The following CNTNAP5 variants were observed in gnomAD, a reference collection of about 807,000 sequenced individuals.
CNTNAP5 encodes contactin associated protein family member 5, also known as contactin-associated protein-like 5.
A neutral mutation model predicts 150.2 loss-of-function variants in CNTNAP5; 72 were observed. The ratio of observed to expected loss-of-function variants is 0.48; its 90% CI spans 0.40 to 0.58. The LOEUF (loss-of-function observed/expected upper bound fraction) is 0.58, where lower values mean the gene tolerates loss of function less well. CNTNAP5 is among the 20% of genes least tolerant of loss of function. The probability of loss-of-function intolerance (pLI) is 0.00; values close to 1 mark genes in which losing one functional copy is unlikely to be tolerated. For missense variants in CNTNAP5, 1,636 were observed against 1,626.2 expected (o/e 1.01, Z -0.10); for synonymous variants, 672 against 619.8 (o/e 1.08, Z -1.25).
At chr2:124,808,403 C>T (rs1256425972) in intron 19 of CNTNAP5, among the ~76,000 whole-genome samples, 9 of 152,000 alleles carry the variant, frequency 5.9e-5, no homozygotes, top group African/African-American at 1.7e-4. Flanking sequence ...GCCTGGCCAA[C>T]ATGGTGAAAC....
intron 6 of CNTNAP5, among the ~76,000 whole-genome samples, chr2:124,450,660 G>A (rs1425168518): frequency 2.7e-5 from 4 of 150,504 alleles, no homozygotes; most frequent in African/African-American, 4.9e-5. Context: ...TTCTCCAAAC[G>A]CTGCGAGAAG....
chr2:124,152,951 A>G (rs1005716763), intron 1 of CNTNAP5, among the ~76,000 whole-genome samples: 2 of 152,198 alleles, frequency 1.3e-5, no homozygotes, highest in African/African-American at 2.4e-5. Context: ...GTGCGGCTCC[A>G]TACAGAATCC....
At chr2:124,359,304 T>G (rs1377328054) in intron 3 of CNTNAP5, among the ~76,000 whole-genome samples, 5 of 151,084 alleles carry the variant, frequency 3.3e-5, no homozygotes, top group Non-Finnish European at 5.9e-5. Flanking sequence ...CTCTATTTCC[T>G]TCAGTTCTGC....
chr2:124,848,183 C>T (rs1350423780), intron 19 of CNTNAP5, among the ~76,000 whole-genome samples: 1 of 152,114 alleles, frequency 6.6e-6, no homozygotes, highest in East Asian at 1.9e-4. Flanking sequence ...TCTCGTTTCC[C>T]CAAACCCCAG....
At position 124,474,791 on chromosome 2, in the gene CNTNAP5, A is replaced by G; in HGVS notation, c.971A>G (p.Lys324Arg). 6.2e-7 allele frequency: 1 copy of G among 1,602,988 alleles called. No homozygotes were observed. Among genetic ancestry groups the G allele is most frequent in the Non-Finnish European group, 8.5e-7 (1 of 1,176,074 alleles). ...GGAAAACCTGGGACCTTTTTAAAGA[A>G]AAACTTCCATGGATGCATCGAAAAC... ...VPGKPGTFLK[K>R]NFHGCIENLY... The change falls in exon 7 of 24, where the codon AAA becomes AGA. Residue 324 changes from lysine (K) to arginine (R), a missense_variant. Physicochemically the swap from Lys to Arg is conservative, Grantham distance 26. Transcript: ENST00000682447.
chr2:124,026,240 C>G (rs1680884737), intron 1 of CNTNAP5, among the ~76,000 whole-genome samples: 1 of 152,180 alleles, frequency 6.6e-6, no homozygotes, highest in African/African-American at 2.4e-5. Context: ...TATCTTGCAA[C>G]CAATGGGCAC....
At chr2:124,438,091 A>G (rs1179311260) in intron 5 of CNTNAP5, among the ~76,000 whole-genome samples, 5 of 152,198 alleles carry the variant, frequency 3.3e-5, no homozygotes, top group Admixed American at 6.5e-5. Flanking sequence ...TATCCAATTT[A>G]CATTACATAG....
chr2:124,731,670 G>T (rs1376760381), intron 13 of CNTNAP5, among the ~76,000 whole-genome samples: 1 of 151,852 alleles, frequency 6.6e-6, no homozygotes, highest in African/African-American at 2.4e-5. Context: ...AGAGCAAAGG[G>T]CAATCTTGGG....
chr2:124,598,224 A>C (rs1402758120), intron 11 of CNTNAP5, among the ~76,000 whole-genome samples: 1 of 138,104 alleles, frequency 7.2e-6, no homozygotes, highest in Non-Finnish European at 1.6e-5. Flanking sequence ...GGCGCTCTGC[A>C]TTTTAGAGTT....
intron 13 of CNTNAP5, among the ~76,000 whole-genome samples, chr2:124,679,808 G>A (rs192665355): frequency 0.021 from 3,261 of 151,792 alleles, 59 homozygotes; most frequent in Middle Eastern, 0.037. Context: ...CAAGTGATCT[G>A]CCCACCTCGG....
At chr2:124,709,522 T>A (rs1215291814) in intron 13 of CNTNAP5, among the ~76,000 whole-genome samples, 1 of 152,144 alleles carries the variant, frequency 6.6e-6, no homozygotes, top group Non-Finnish European at 1.5e-5. Context: ...TTGGTTCAAA[T>A]GGGAAGTAAA....
intron 7 of CNTNAP5, among the ~76,000 whole-genome samples, chr2:124,481,459 T>C (rs1489279213): frequency 6.6e-6 from 1 of 152,232 alleles, no homozygotes; most frequent in Admixed American, 6.5e-5. Context: ...AAAATTATTA[T>C]GTAAAGTATT....
chr2:124,476,806 C>T (rs1003767400), intron 7 of CNTNAP5, among the ~76,000 whole-genome samples: 2 of 152,022 alleles, frequency 1.3e-5, no homozygotes, highest in African/African-American at 2.4e-5. Flanking sequence ...GGAGAGAAGT[C>T]GTTGTCTAAC....
chr2:124,217,090 T>A (rs535849403), intron 1 of CNTNAP5, among the ~76,000 whole-genome samples: 1 of 152,284 alleles, frequency 6.6e-6, no homozygotes, highest in Admixed American at 6.5e-5. Context: ...GATCTCATTT[T>A]GAAAATACTA....
chr2:124,515,289 G>T (rs904161316), intron 8 of CNTNAP5, among the ~76,000 whole-genome samples: 1 of 152,164 alleles, frequency 6.6e-6, no homozygotes, highest in African/African-American at 2.4e-5. Context: ...GGGCAGAGCG[G>T]GGGGTGTCCC....
intron 1 of CNTNAP5, among the ~76,000 whole-genome samples, chr2:124,163,887 T>C (rs979704825): frequency 3.3e-5 from 5 of 152,040 alleles, no homozygotes; most frequent in Non-Finnish European, 7.4e-5. Context: ...TTAAAACCTC[T>C]CTTAACAACA....
chr2:124,660,037 AG>A (rs1469797701), intron 13 of CNTNAP5, among the ~76,000 whole-genome samples: 46 of 90,810 alleles, frequency 5.1e-4, no homozygotes, highest in South Asian at 1.7e-3. Flanking sequence ...GAAGGAAGGA[AG>A]GAAGAAAGGA....
chr2:124,319,440 A>C (rs1033958638), intron 3 of CNTNAP5, among the ~76,000 whole-genome samples: 50 of 152,302 alleles, frequency 3.3e-4, no homozygotes, highest in African/African-American at 1.2e-3. Flanking sequence ...CTAAACCTCA[A>C]ACTGGCACAG....
rs147718231 is a variant in CNTNAP5 at position 124,302,087 on chromosome 2, G to C, written c.381+59694G>C. Among the ~76,000 whole-genome samples, 73 of 152,312 alleles carry C rather than the reference G, an allele frequency of 4.8e-4. No individual in the cohort carries two copies. In the East Asian group the frequency reaches 0.014, roughly 29 times the overall value. On this transcript the variant is annotated intron_variant, in intron 3 of 23. Coordinates refer to ENST00000682447, the MANE Select transcript of CNTNAP5 (RefSeq NM_001367498.1). The stretch of plus-strand genomic sequence containing the variant: ...GAATGCAGTGAGAAGGCAACTGTCT[G>C]TAAGCCATGTAGTGAGGCTGCAACA...
Sources: allele counts gnomAD v4.1 joint callset (sites outside exome capture counted in the v4.1 genomes callset), GRCh38; gene constraint gnomAD v4.1.1; transcripts MANE v1.5; gene names NCBI Gene and HGNC (gene_info 2026-07-23, HGNC 2026-07-21).